The following COL5A2 variants were observed in gnomAD, a reference collection of about 807,000 sequenced individuals.
COL5A2 encodes the protein collagen type V alpha 2 chain.
COL5A2 carries 23 observed loss-of-function variants against 208.2 expected under a neutral mutation model. The observed-to-expected ratio is 0.11, with a 90% CI of 0.08 to 0.16. COL5A2 has a LOEUF of 0.16. COL5A2 is among the 10% of genes least tolerant of loss of function. The probability of loss-of-function intolerance (pLI) is 1.00; values close to 1 mark genes in which losing one functional copy is unlikely to be tolerated. For synonymous variants in COL5A2, 625 were observed against 628.5 expected, an observed-to-expected ratio of 0.99 and a Z score of 0.08; for missense variants, 1,590 against 1,956.4, an observed-to-expected ratio of 0.81 and a Z score of 3.53.
intron 1 of COL5A2, among the ~76,000 whole-genome samples, chr2:189,135,025 A>G (rs1687800401): frequency 6.6e-6 from 1 of 152,162 alleles, no homozygotes; most frequent in Non-Finnish European, 1.5e-5. Flanking sequence ...CCAGCTCATA[A>G]CGTTGGGTTG....
chr2:189,256,174 C>T, the COL5A2 span, among the ~76,000 whole-genome samples: 2 of 151,928 alleles, frequency 1.3e-5, no homozygotes, highest in African/African-American at 4.8e-5. Context: ...ATTTCATTTT[C>T]GTAGGCAAAA....
intron 1 of COL5A2, among the ~76,000 whole-genome samples, chr2:189,164,557 T>C (rs1688430146): frequency 2.0e-5 from 3 of 152,174 alleles, no homozygotes; most frequent in South Asian, 2.1e-4. Flanking sequence ...GAGAGTCTTA[T>C]ATTCCTTTTG....
rs575435479 is a variant in COL5A2, at chr2:189,158,349, T to A, written c.97+21159A>T. 2.0e-5 allele frequency among the ~76,000 whole-genome samples: 3 copies of A among 152,156 alleles called. No individual in the cohort carries two copies. The South Asian group carries it at 6.2e-4, about 32-fold the overall frequency. On this transcript the variant is annotated intron_variant, in intron 1 of 53. Transcript: ENST00000374866. Reference sequence around the variant, plus strand: ...GCTTACTAGCTCTATGAACATTTATTAGCACTAAAAGTATTAACACAGTGC... The same window carrying A: ...GCTTACTAGCTCTATGAACATTTATAAGCACTAAAAGTATTAACACAGTGC...
chr2:189,328,330 G>A, the COL5A2 span, among the ~76,000 whole-genome samples: 33,527 of 151,780 alleles, frequency 0.22, 3,830 homozygotes, highest in South Asian at 0.26. Flanking sequence ...CAAGTCCAAA[G>A]TTAAAAACAC....
chr2:189,380,639 T>C, the COL5A2 span, among the ~76,000 whole-genome samples: 20 of 151,634 alleles, frequency 1.3e-4, no homozygotes, highest in African/African-American at 4.4e-4. Flanking sequence ...CTGTAAAAAA[T>C]ATAAAAATTT....
intron 2 of COL5A2, among the ~76,000 whole-genome samples, chr2:189,107,842 T>A (rs1358673811): frequency 1.3e-5 from 2 of 151,738 alleles, no homozygotes; most frequent in African/African-American, 4.8e-5. Context: ...TGTATTTGTT[T>A]AGACAGTTTC....
intron 1 of COL5A2, among the ~76,000 whole-genome samples, chr2:189,193,084 C>T (rs1688950925): frequency 6.6e-6 from 1 of 152,214 alleles, no homozygotes. Flanking sequence ...GATGCTGGCC[C>T]CTTGATCTTG....
At chr2:189,034,832 C>A in intron 53 of COL5A2, 84 bp downstream of exon 53, 2 of 1,549,364 alleles carry the variant, frequency 1.3e-6, no homozygotes, top group Non-Finnish European at 1.8e-6. Context: ...TAAAATTGCC[C>A]CCAGTTCTAG....
the COL5A2 span, among the ~76,000 whole-genome samples, chr2:189,292,047 T>C: frequency 6.6e-6 from 1 of 152,202 alleles, no homozygotes; most frequent in Non-Finnish European, 1.5e-5. Flanking sequence ...CCAACCTTTA[T>C]GAAATGGAAT....
At position 189,058,545 on chromosome 2, in the gene COL5A2, T is replaced by G; in HGVS notation, c.2131-18A>C. On this transcript the variant is annotated intron_variant, in intron 32 of 53. Coordinates refer to ENST00000374866, the MANE Select transcript of COL5A2 (RefSeq NM_000393.5). ...CGTTCTCCCTAGCACAAAATTGGGA[T>G]GTCAAATAATCTCAATACTTGATCT... 1.3e-6 allele frequency: 2 copies of G among 1,592,710 alleles called. No homozygotes were observed. Among genetic ancestry groups the G allele is most frequent in the East Asian group, 2.2e-5 (1 of 44,728 alleles).
intron 7 of COL5A2, among the ~76,000 whole-genome samples, chr2:189,092,052 A>T (rs1686798314): frequency 6.6e-6 from 1 of 152,186 alleles, no homozygotes; most frequent in Non-Finnish European, 1.5e-5. Flanking sequence ...AATAGAAAAA[A>T]CAAAGCACAT....
the COL5A2 span, among the ~76,000 whole-genome samples, chr2:189,296,551 T>C: frequency 6.6e-6 from 1 of 152,246 alleles, no homozygotes; most frequent in Non-Finnish European, 1.5e-5. Flanking sequence ...AGGTCTTTCA[T>C]TGTATTACCT....
chr2:189,318,800 T>A, the COL5A2 span, among the ~76,000 whole-genome samples: 8 of 152,172 alleles, frequency 5.3e-5, no homozygotes, highest in African/African-American at 1.9e-4. Context: ...ACGTGGGGCT[T>A]GGGGGTGTCA....
intron 1 of COL5A2, among the ~76,000 whole-genome samples, chr2:189,159,497 C>T (rs1340385918): frequency 6.6e-6 from 1 of 152,156 alleles, no homozygotes; most frequent in Admixed American, 6.5e-5. Context: ...GATTGTCTCA[C>T]TGAATGCTGA....
chr2:189,401,916 G>GT, the COL5A2 span, among the ~76,000 whole-genome samples: 6 of 151,824 alleles, frequency 4.0e-5, no homozygotes, highest in African/African-American at 1.2e-4. Flanking sequence ...TAATGGGGCT[G>GT]TTTTTTTCTT....
the COL5A2 span, among the ~76,000 whole-genome samples, chr2:189,277,532 T>A: frequency 3.9e-5 from 6 of 152,136 alleles, no homozygotes. Flanking sequence ...CTAGCCATTT[T>A]TCCTAGACTT....
At chr2:189,381,342 A>G in the COL5A2 span, among the ~76,000 whole-genome samples, 1 of 152,050 alleles carries the variant, frequency 6.6e-6, no homozygotes, top group African/African-American at 2.4e-5. Context: ...AATTCCAGCA[A>G]ATTTAAATTT....
At chr2:189,244,714 C>T in the COL5A2 span, among the ~76,000 whole-genome samples, 1 of 152,194 alleles carries the variant, frequency 6.6e-6, no homozygotes, top group African/African-American at 2.4e-5. Flanking sequence ...CAAACTGTTC[C>T]AACATCTGCC....
intron 6 of COL5A2, among the ~76,000 whole-genome samples, chr2:189,094,726 T>C (rs1272401672): frequency 5.4e-5 from 2 of 36,974 alleles, no homozygotes; most frequent in African/African-American, 1.3e-4. Context: ...TTAAGTGTCA[T>C]GTGCAACTAG....
Sources: allele counts gnomAD v4.1 joint callset (sites outside exome capture counted in the v4.1 genomes callset), GRCh38; gene constraint gnomAD v4.1.1; transcripts MANE v1.5; gene names NCBI Gene and HGNC (gene_info 2026-07-23, HGNC 2026-07-21).